FDFT1: variants seen among roughly 807,000 people sequenced by gnomAD.
FDFT1 encodes squalene synthase.
FDFT1 carries 68 observed loss-of-function variants against 46.8 expected under a neutral mutation model. The observed-to-expected ratio is 1.45, with a 90% CI of 1.19 to 1.78. The LOEUF is 1.78. FDFT1 is among the 40% of genes most tolerant of loss of function. The probability of loss-of-function intolerance (pLI) is 0.00; values close to 1 mark genes in which losing one functional copy is unlikely to be tolerated. For missense variants in FDFT1, 928 were observed against 524.4 expected (o/e 1.77, Z -7.52); for synonymous variants, 351 against 185.1 (o/e 1.90, Z -7.28).
intron 7 of FDFT1, among the ~76,000 whole-genome samples, chr8:11,832,923 T>C (rs1296249314): frequency 1.3e-5 from 2 of 152,198 alleles, no homozygotes; most frequent in African/African-American, 4.8e-5. Flanking sequence ...GTTACGCGTT[T>C]ACAGGAATAT....
intron 2 of FDFT1, chr8:11,809,197 T>G: frequency 1.6e-6 from 2 of 1,221,846 alleles, no homozygotes; most frequent in Non-Finnish European, 2.1e-6. Flanking sequence ...GCTTCCCTTA[T>G]CCAACTTTGC....
chr8:11,813,631 A>G (rs1808032986), intron 3 of FDFT1, among the ~76,000 whole-genome samples: 1 of 152,194 alleles, frequency 6.6e-6, no homozygotes, highest in Non-Finnish European at 1.5e-5. Context: ...GTTTCTAATC[A>G]GAGGAATTTG....
In FDFT1 at chr8:11,838,525, C is replaced by T; in HGVS notation, c.1170C>T (p.Val390=). 6.2e-7 allele frequency: 1 copy of T among 1,609,312 alleles called. No homozygotes were observed. The highest frequency in any genetic ancestry group is 8.5e-7 in the Non-Finnish European group (1 of 1,177,440). The change falls in exon 8 of 8, where the codon GTC becomes GTT. Residue 390 remains valine, a synonymous_variant. Coordinates refer to ENST00000220584, the MANE Select transcript of FDFT1 (RefSeq NM_004462.5). The stretch of plus-strand genomic sequence containing the variant: ...ACTCCCCCATCTACCTGTCGTTTGT[C>T]ATGCTTTTGGCTGCCCTGAGCTGGC... ...SHYSPIYLSF[V]MLLAALSWQY... is the part of the protein sequence containing the mutation.
At chr8:11,810,123 C>G (rs750783308) in intron 3 of FDFT1, 4 of 407,638 alleles carry the variant, frequency 9.8e-6, no homozygotes, top group Non-Finnish European at 1.8e-5. Flanking sequence ...ATAACACCTA[C>G]CTCATGGTAT....
At chr8:11,814,492 C>CT (rs1808171002) in intron 3 of FDFT1, among the ~76,000 whole-genome samples, 1 of 152,134 alleles carries the variant, frequency 6.6e-6, no homozygotes. Flanking sequence ...ATATTGCATA[C>CT]TTTCAATGTT....
intron 2 of FDFT1, 48 bp from the exon 3 acceptor site, chr8:11,809,619 T>C: frequency 3.3e-6 from 5 of 1,514,884 alleles, no homozygotes; most frequent in Non-Finnish European, 4.4e-6. Context: ...AAATAAAAAA[T>C]CTTTGGCTGT....
At chr8:11,833,112 T>A (rs1391358570) in intron 7 of FDFT1, among the ~76,000 whole-genome samples, 7 of 152,212 alleles carry the variant, frequency 4.6e-5, no homozygotes, top group Non-Finnish European at 8.8e-5. Flanking sequence ...CCACATCGCT[T>A]TTAAAAACCC....
At chr8:11,831,378 AT>A in intron 6 of FDFT1, 139 bp from the exon 7 acceptor site, 2 of 675,354 alleles carry the variant, frequency 3.0e-6, no homozygotes, top group Non-Finnish European at 5.0e-6. Context: ...CTTCGTGGGT[AT>A]TTTTTCTTGA....
chr8:11,803,205 C>G (rs1014741915), intron 1 of FDFT1: 6 of 1,409,998 alleles, frequency 4.3e-6, no homozygotes, highest in African/African-American at 1.4e-5. Flanking sequence ...TCGTCCCCTC[C>G]GTGAGCATCG....
intron 1 of FDFT1, among the ~76,000 whole-genome samples, chr8:11,807,485 C>G (rs1421123778): frequency 1.3e-5 from 2 of 152,208 alleles, no homozygotes; most frequent in East Asian, 1.9e-4. Flanking sequence ...TGATTCCAGT[C>G]TCTCCCAAAA....
chr8:11,818,512 C>A (rs983478090), intron 3 of FDFT1, among the ~76,000 whole-genome samples: 3 of 152,170 alleles, frequency 2.0e-5, no homozygotes, highest in South Asian at 2.1e-4. Flanking sequence ...TTTTCTAGGT[C>A]TCTAAGGACT....
chr8:11,808,855 T>G lies in FDFT1; in HGVS notation c.161T>G (p.Phe54Cys), dbSNP rs1278000187. 6.2e-7 allele frequency: 1 copy of G among 1,614,112 alleles called. No individual in the cohort carries two copies. The highest frequency in any genetic ancestry group is 1.3e-5 in the African/African-American group (1 of 75,066). The change falls in exon 2 of 8, where the codon TTC becomes TGC. Residue 54 changes from phenylalanine (F) to cysteine (C), a missense_variant. Transcript: ENST00000220584. The stretch of plus-strand genomic sequence containing the variant: ...TATCTCAATCAGACCAGTCGCAGTT[T>G]CGCAGCTGTTATCCAGGCGCTGGAT... ...YKYLNQTSRS[F>C]AAVIQALDGE...
chr8:11,826,967 A>G (rs1280943741), intron 5 of FDFT1, among the ~76,000 whole-genome samples: 2 of 152,236 alleles, frequency 1.3e-5, no homozygotes, highest in East Asian at 1.9e-4. Flanking sequence ...AGGAAGGGGA[A>G]AGGGATGGCA....
chr8:11,803,439 G>T, intron 1 of FDFT1: 4 of 1,285,310 alleles, frequency 3.1e-6, no homozygotes, highest in Non-Finnish European at 4.1e-6. Context: ...TGCTTCCTGA[G>T]TTTTAAAATC....
chr8:11,831,224 G>T (rs1810734603), intron 6 of FDFT1, among the ~76,000 whole-genome samples: 2 of 152,160 alleles, frequency 1.3e-5, no homozygotes, highest in South Asian at 4.1e-4. Context: ...CTCTAGCATG[G>T]AAAATGTTGG....
At chr8:11,810,584 T>G (rs1378254783) in intron 3 of FDFT1, among the ~76,000 whole-genome samples, 8 of 152,176 alleles carry the variant, frequency 5.3e-5, no homozygotes, top group African/African-American at 1.9e-4. Context: ...TTGGTCTATT[T>G]TGTTGGAGTA....
At chr8:11,800,260 C>CA (rs57381182), upstream of FDFT1, among the ~76,000 whole-genome samples, 256 of 57,900 alleles carry the variant, frequency 4.4e-3, 15 homozygotes, top group African/African-American at 0.019. Context: ...AATTCTGTCT[C>CA]AAAAAAAAAA....
chr8:11,808,227 G>C, intron 1 of FDFT1: 1 of 1,180,336 alleles, frequency 8.5e-7, no homozygotes, highest in Non-Finnish European at 1.0e-6. Flanking sequence ...CGGAGCCCGA[G>C]TAGAGTTTGG....
intron 3 of FDFT1, among the ~76,000 whole-genome samples, chr8:11,814,203 C>T (rs1808126782): frequency 6.6e-6 from 1 of 151,970 alleles, no homozygotes; most frequent in Non-Finnish European, 1.5e-5. Context: ...TTTGTTTCAG[C>T]CACAAGAAGG....
Sources: gnomAD v4.1 joint callset for allele counts (sites outside exome capture counted in the v4.1 genomes callset) on GRCh38, gnomAD v4.1.1 for gene constraint, MANE v1.5 for transcripts, NCBI Gene and HGNC (gene_info 2026-07-23, HGNC 2026-07-21) for gene names.